SULF1: variants seen among roughly 807,000 people sequenced by gnomAD.
SULF1 encodes extracellular sulfatase Sulf-1.
Under a neutral mutation model 110.5 loss-of-function variants are expected in SULF1, and 46 were observed. The ratio of observed to expected loss-of-function variants is 0.42; its 90% CI spans 0.33 to 0.53. SULF1 has a LOEUF of 0.53. Ranked by LOEUF, SULF1 falls within the 20% of genes least tolerant of loss-of-function variation. The pLI, the probability that SULF1 is intolerant of heterozygous loss-of-function variation, is 0.12. For synonymous variants in SULF1, 371 were observed against 387.1 expected, an observed-to-expected ratio of 0.96 and a Z score of 0.49; for missense variants, 941 against 1,094.2, an observed-to-expected ratio of 0.86 and a Z score of 1.98.
At chr8:69,647,435 A>G (rs953286626) in intron 22 of SULF1, among the ~76,000 whole-genome samples, 1 of 152,198 alleles carries the variant, frequency 6.6e-6, no homozygotes, top group Non-Finnish European at 1.5e-5. Context: ...TTTTTAGACT[A>G]TCTTTAGGGT....
chr8:69,468,551 G>C (rs560600271), intron 1 of SULF1, among the ~76,000 whole-genome samples: 21 of 152,274 alleles, frequency 1.4e-4, no homozygotes, highest in East Asian at 3.9e-4. Context: ...TTCCGACTGA[G>C]TATTATCTGA....
In SULF1 at chr8:69,582,511, C is replaced by T. The variant is rs180887527; in HGVS notation, c.413-3846C>T. On this transcript the variant is annotated intron_variant, in intron 6 of 22. Coordinates refer to ENST00000402687, the MANE Select transcript of SULF1 (RefSeq NM_001128205.2). Reference sequence around the variant, plus strand: ...TGATGCATTTAATCCTCAAAACAATCCTGCCACCATTATTATTATCACCAT... The same window carrying T: ...TGATGCATTTAATCCTCAAAACAATTCTGCCACCATTATTATTATCACCAT... 2.0e-5 allele frequency among the ~76,000 whole-genome samples: 3 copies of T among 152,218 alleles called. No individual in the cohort carries two copies. In the East Asian group the frequency reaches 5.8e-4, roughly 29 times the overall value.
chr8:69,616,256 G>T (rs957431887), intron 13 of SULF1, among the ~76,000 whole-genome samples: 2 of 149,388 alleles, frequency 1.3e-5, no homozygotes, highest in African/African-American at 2.5e-5. Flanking sequence ...GTCTTGCTCT[G>T]TCACCCAGGC....
chr8:69,582,822 G>C (rs1586467412), intron 6 of SULF1, among the ~76,000 whole-genome samples: 1 of 152,282 alleles, frequency 6.6e-6, no homozygotes, highest in South Asian at 2.1e-4. Flanking sequence ...TTAGTGGGGT[G>C]TGGCCTTGGT....
intron 8 of SULF1, among the ~76,000 whole-genome samples, chr8:69,595,848 A>G (rs765689894): frequency 1.3e-5 from 2 of 152,218 alleles, no homozygotes; most frequent in Non-Finnish European, 2.9e-5. Flanking sequence ...GCAATTCCCC[A>G]GGTATAGATT....
chr8:69,517,266 A>G (rs1477687415), intron 3 of SULF1, among the ~76,000 whole-genome samples: 1 of 152,190 alleles, frequency 6.6e-6, no homozygotes, highest in African/African-American at 2.4e-5. Context: ...AATGGAAATT[A>G]TCTGTCCATG....
chr8:69,545,409 C>G (rs753177658), intron 3 of SULF1, among the ~76,000 whole-genome samples: 1 of 152,146 alleles, frequency 6.6e-6, no homozygotes, highest in Non-Finnish European at 1.5e-5. Context: ...CTACACATAG[C>G]AAAAACCAAA....
At chr8:69,632,560 T>C (rs955570927) in intron 19 of SULF1, among the ~76,000 whole-genome samples, 1 of 151,864 alleles carries the variant, frequency 6.6e-6, no homozygotes, top group Non-Finnish European at 1.5e-5. Context: ...CTCAATAACA[T>C]GAAAAAAAGA....
Position 69,564,033 on chromosome 8 carries a change from A to G in SULF1, c.58A>G (p.Ser20Gly). 6.2e-7 allele frequency: 1 copy of G among 1,614,204 alleles called. No individual in the cohort carries two copies. Among genetic ancestry groups the G allele is most frequent in the Non-Finnish European group, 8.5e-7 (1 of 1,180,028 alleles). The change falls in exon 5 of 23, where the codon AGC becomes GGC. Residue 20 changes from serine to glycine, a missense_variant. By Grantham distance (56) the Ser-to-Gly change is moderately conservative. Coordinates refer to ENST00000402687, the MANE Select transcript of SULF1 (RefSeq NM_001128205.2). ...LAVLGTELLG[S>G]LCSTVRSPRF... ...TGTCCTGGGCACAGAATTGCTGGGA[A>G]GCCTCTGTTCGACTGTCAGATCCCC... is the stretch of plus-strand genomic sequence containing the variant.
At chr8:69,555,252 T>A (rs1354901914) in intron 3 of SULF1, among the ~76,000 whole-genome samples, 1 of 152,178 alleles carries the variant, frequency 6.6e-6, no homozygotes, top group African/African-American at 2.4e-5. Context: ...TCTATCTGCC[T>A]CTGCGGGAGG....
intron 2 of SULF1, among the ~76,000 whole-genome samples, chr8:69,501,435 T>C (rs1242325181): frequency 6.6e-6 from 1 of 152,254 alleles, no homozygotes; most frequent in Non-Finnish European, 1.5e-5. Flanking sequence ...CTTACTTTGC[T>C]AGTCATCAAA....
At chr8:69,614,001 C>T (rs901200288) in intron 13 of SULF1, among the ~76,000 whole-genome samples, 2 of 152,012 alleles carry the variant, frequency 1.3e-5, no homozygotes, top group Non-Finnish European at 2.9e-5. Flanking sequence ...TGAATCCCAA[C>T]CCAATACTCA....
Position 69,659,793 on chromosome 8 carries a change from C to G in SULF1, c.*1258C>G, listed in dbSNP as rs1035431505. On this transcript the variant is annotated 3_prime_UTR_variant, in exon 23 of 23. Coordinates refer to ENST00000402687, the MANE Select transcript of SULF1 (RefSeq NM_001128205.2). ...CGTCATTTTCAGTTAGATGATTTTG[C>G]ACTTTGAGATTAAAATGCCATGTCT... 1.4e-4 allele frequency: 22 copies of G among 153,324 alleles called. No individual in the cohort carries two copies. Among genetic ancestry groups the G allele is most frequent in the African/African-American group, 5.3e-4 (22 of 41,416 alleles). The allele number at this position is 153,324 out of a possible 1,614,324, so 9.5% of individuals were successfully genotyped here.
intron 6 of SULF1, among the ~76,000 whole-genome samples, chr8:69,578,506 C>A (rs1352171126): frequency 2.0e-5 from 2 of 97,962 alleles, no homozygotes; most frequent in African/African-American, 4.2e-5. Flanking sequence ...CTCCCCCCTC[C>A]CCCCACCCCA....
At chr8:69,638,352 G>C in intron 19 of SULF1, 150 bp from the exon 20 acceptor site, 1 of 888,650 alleles carries the variant, frequency 1.1e-6, no homozygotes, top group East Asian at 2.7e-5. Context: ...GGGGGGAAAG[G>C]TATTATTATT....
rs79670442 is a variant in SULF1, at chr8:69,629,419, T to C, written c.2109-85T>C. 3,154 of 1,367,870 alleles carry C rather than the reference T, an allele frequency of 2.3e-3. 71 individuals are homozygous for C. In the African/African-American group the frequency reaches 0.041, roughly 18 times the overall value. 84.7% of individuals were successfully genotyped at this position (1,367,870 alleles called of 1,614,324 possible). A position where few individuals can be genotyped will look rare whatever the true frequency, so the allele number is the denominator to read the frequency against. On this transcript the variant is annotated intron_variant, in intron 18 of 22. Transcript: ENST00000402687. The stretch of plus-strand genomic sequence containing the variant: ...ATCTCTTATCAAGGCATCTAAATAT[T>C]TGTGCAAGACTCACAGCAACAAGCC...
At chr8:69,636,278 T>C (rs1810998665) in intron 19 of SULF1, among the ~76,000 whole-genome samples, 1 of 152,186 alleles carries the variant, frequency 6.6e-6, no homozygotes, top group South Asian at 2.1e-4. Context: ...GGCTCACACC[T>C]GTAATCCCAA....
chr8:69,476,945 T>C lies in SULF1; in HGVS notation c.-391+9995T>C, dbSNP rs571946777. ...TAGCTGCCAAACTTAAAACTAGGTCTCTTCATCTAGTACCCACTTAGGTCA... is the reference window on the plus strand; with the variant it reads ...TAGCTGCCAAACTTAAAACTAGGTCCCTTCATCTAGTACCCACTTAGGTCA... On this transcript the variant is annotated intron_variant, in intron 1 of 22. Transcript: ENST00000260128. 2.0e-5 allele frequency among the ~76,000 whole-genome samples: 3 copies of C among 152,310 alleles called. No homozygotes were observed. In the East Asian group the frequency reaches 5.8e-4, roughly 29 times the overall value.
intron 22 of SULF1, among the ~76,000 whole-genome samples, chr8:69,644,318 C>T (rs10107022): frequency 6.6e-6 from 1 of 151,928 alleles, no homozygotes; most frequent in East Asian, 1.9e-4. Flanking sequence ...CCCTAGCAGG[C>T]GCCAAGCCCC....
Sources: gnomAD v4.1 joint callset for allele counts (sites outside exome capture counted in the v4.1 genomes callset) on GRCh38, gnomAD v4.1.1 for gene constraint, MANE v1.5 for transcripts, NCBI Gene and HGNC (gene_info 2026-07-23, HGNC 2026-07-21) for gene names.